Variants in GPAT3 observed in about 807,000 individuals in gnomAD.
The protein encoded by GPAT3 is glycerol-3-phosphate acyltransferase 3.
A neutral mutation model predicts 58.8 loss-of-function variants in GPAT3; 53 were observed. The observed-to-expected ratio is 0.90, with a 90% CI of 0.72 to 1.13. The LOEUF (loss-of-function observed/expected upper bound fraction) is 1.13, where lower values mean the gene tolerates loss of function less well. Among genes scored for constraint, GPAT3 ranks in the 50% most tolerant of loss-of-function variants. The pLI is 0.00. For synonymous variants in GPAT3, 197 were observed against 187.4 expected (o/e 1.05, Z -0.42); for missense variants, 511 against 527.6 (o/e 0.97, Z 0.31).
At chr4:83,547,853 CTTTTT>C (rs10536598) in intron 2 of GPAT3, among the ~76,000 whole-genome samples, 4 of 133,352 alleles carry the variant, frequency 3.0e-5, no homozygotes, top group Admixed American at 7.6e-5. Flanking sequence ...TTCTTCTTCC[CTTTTT>C]TTTTTTTTTT....
At chr4:83,600,528 G>A (rs1727019353) in intron 11 of GPAT3, among the ~76,000 whole-genome samples, 1 of 151,628 alleles carries the variant, frequency 6.6e-6, no homozygotes, top group South Asian at 2.1e-4. Flanking sequence ...TATTTGAGAT[G>A]GAGTCCTCTC....
At chr4:83,547,400 C>A (rs887927092) in intron 2 of GPAT3, among the ~76,000 whole-genome samples, 48 of 151,418 alleles carry the variant, frequency 3.2e-4, no homozygotes, top group African/African-American at 1.1e-3. Flanking sequence ...CTACAGGTGC[C>A]CGCCACCACG....
At chr4:83,564,501 C>A (rs949805847) in intron 2 of GPAT3, among the ~76,000 whole-genome samples, 1 of 152,022 alleles carries the variant, frequency 6.6e-6, no homozygotes, top group Non-Finnish European at 1.5e-5. Context: ...GAGTTCAAGA[C>A]CAGCCTGGAC....
intron 2 of GPAT3, among the ~76,000 whole-genome samples, chr4:83,571,707 CATATATATACACACACAT>C (rs771067468): frequency 4.0e-5 from 6 of 150,592 alleles, no homozygotes; most frequent in Admixed American, 6.6e-5. Flanking sequence ...TACACACACA[CATATATATACACACACAT>C]ATATATATAT....
intron 2 of GPAT3, among the ~76,000 whole-genome samples, chr4:83,561,961 C>G (rs546753105): frequency 6.6e-6 from 1 of 150,850 alleles, no homozygotes; most frequent in East Asian, 2.0e-4. Context: ...ATTTTTTGAT[C>G]TTTGCTTGTG....
At position 83,569,907 on chromosome 4, in the gene GPAT3, G is replaced by C. The variant is rs1052431243; in HGVS notation, c.209-11655G>C. Among the ~76,000 whole-genome samples the C allele has an allele frequency of 3.3e-5, 5 of 152,222 alleles. 1 individual carries two copies. The highest frequency in any genetic ancestry group is 1.2e-4 in the African/African-American group (5 of 41,538). ...GATCACGTGTAAGTGAATTGTAAGTGCATGTCTAGATTAATGTTAGATAGG... is the reference window on the plus strand; with the variant it reads ...GATCACGTGTAAGTGAATTGTAAGTCCATGTCTAGATTAATGTTAGATAGG... On this transcript the variant is annotated intron_variant, in intron 2 of 11. Coordinates refer to ENST00000264409, the MANE Select transcript of GPAT3 (RefSeq NM_032717.5).
At chr4:83,572,679 A>C (rs1400283609) in intron 2 of GPAT3, among the ~76,000 whole-genome samples, 8 of 152,228 alleles carry the variant, frequency 5.3e-5, no homozygotes, top group Non-Finnish European at 1.2e-4. Context: ...TTCAGGACAC[A>C]CCTCAAAAAA....
intron 8 of GPAT3, 72 bp downstream of exon 8, chr4:83,596,985 T>A: frequency 1.4e-6 from 2 of 1,428,828 alleles, no homozygotes; most frequent in East Asian, 4.6e-5. Flanking sequence ...GGAATAGAAT[T>A]GCCATAGAAT....
rs115550056 is a variant in GPAT3, at chr4:83,557,834, T to C, written c.208+13232T>C. Among the ~76,000 whole-genome samples, 376 of 152,306 alleles carry C rather than the reference T, an allele frequency of 2.5e-3. 2 individuals carry two copies. Among genetic ancestry groups the C allele is most frequent in the African/African-American group, 8.7e-3 (362 of 41,564 alleles). On this transcript the variant is annotated intron_variant, in intron 2 of 11. Transcript: ENST00000264409. Reference sequence around the variant, plus strand: ...TTTGATTTTATTGTTTGAGGTAGTATTGATGAATTTGACATAATGTAAAGG... The same window carrying C: ...TTTGATTTTATTGTTTGAGGTAGTACTGATGAATTTGACATAATGTAAAGG...
At chr4:83,597,851 C>A (rs1726904181) in intron 9 of GPAT3, among the ~76,000 whole-genome samples, 200 bp from the exon 10 acceptor site, 1 of 152,072 alleles carries the variant, frequency 6.6e-6, no homozygotes, top group Non-Finnish European at 1.5e-5. Context: ...CTCTTTGGTT[C>A]TATTTAGAAA....
In GPAT3 at chr4:83,536,666, T is replaced by A. The variant is rs572796805; in HGVS notation, c.44T>A (p.Leu15Gln). The change falls in exon 1 of 12, where the codon CTG becomes CAG. Residue 15 changes from leucine (L) to glutamine (Q), a missense_variant. Leu to Gln is a moderately radical substitution (Grantham distance 113). Coordinates refer to ENST00000264409, the MANE Select transcript of GPAT3 (RefSeq NM_032717.5). ...GCCGGGAAGATCCTTTCCACCTGGC[T>A]GACGCTGGTTCTCGGCTTCATCCTT... Reference protein sequence around the residue: ...ELAGKILSTWLTLVLGFILLP... With the variant: ...ELAGKILSTWQTLVLGFILLP... 1.2e-5 allele frequency: 19 copies of A among 1,613,514 alleles called. No homozygotes were observed. The South Asian group carries it at 2.0e-4, about 17-fold the overall frequency.
intron 8 of GPAT3, 46 bp from the exon 9 acceptor site, chr4:83,597,384 G>C (rs1466135833): frequency 2.0e-6 from 2 of 992,174 alleles, no homozygotes; most frequent in South Asian, 2.3e-5. Flanking sequence ...TTTTTAAAAT[G>C]ACTGCCTTTA....
At chr4:83,561,664 A>C (rs10008545) in intron 2 of GPAT3, among the ~76,000 whole-genome samples, 5,962 of 152,214 alleles carry the variant, frequency 0.039, 414 homozygotes, top group African/African-American at 0.14. Flanking sequence ...CCACTGGCAT[A>C]CTGTACAAAA....
chr4:83,571,648 T>G (rs2110089132), intron 2 of GPAT3, among the ~76,000 whole-genome samples: 1 of 151,474 alleles, frequency 6.6e-6, no homozygotes, highest in East Asian at 1.9e-4. Context: ...TTTTAATGTA[T>G]TTCCTTATAG....
At chr4:83,595,399 A>G (rs1726784441) in intron 7 of GPAT3, 1 of 152,580 alleles carries the variant, frequency 6.6e-6, no homozygotes, top group Non-Finnish European at 1.5e-5. Flanking sequence ...TGATTGATTA[A>G]GTGTTTGCTG....
At chr4:83,579,000 C>G (rs1376908981) in intron 2 of GPAT3, among the ~76,000 whole-genome samples, 1 of 120,402 alleles carries the variant, frequency 8.3e-6, no homozygotes, top group Non-Finnish European at 1.6e-5. Flanking sequence ...TTCCTTCCTT[C>G]CTTCCTTCCT....
At chr4:83,548,869 G>A (rs1275473051) in intron 2 of GPAT3, among the ~76,000 whole-genome samples, 1 of 152,078 alleles carries the variant, frequency 6.6e-6, no homozygotes, top group Non-Finnish European at 1.5e-5. Context: ...GTGAAATTTC[G>A]GTTGCTATAC....
At chr4:83,548,587 A>G (rs1192467013) in intron 2 of GPAT3, among the ~76,000 whole-genome samples, 4 of 151,440 alleles carry the variant, frequency 2.6e-5, no homozygotes, top group African/African-American at 9.7e-5. Flanking sequence ...CATAAACACC[A>G]CAAATACATA....
intron 2 of GPAT3, among the ~76,000 whole-genome samples, chr4:83,562,214 T>TATATATA (rs1553944918): frequency 0.011 from 827 of 77,024 alleles, 10 homozygotes; most frequent in Middle Eastern, 0.022. Flanking sequence ...ATATATATTA[T>TATATATA]ATATATATAT....
Sources: allele counts gnomAD v4.1 joint callset (sites outside exome capture counted in the v4.1 genomes callset), GRCh38; gene constraint gnomAD v4.1.1; transcripts MANE v1.5; gene names NCBI Gene and HGNC (gene_info 2026-07-23, HGNC 2026-07-21).